Variants in PCDH9 observed in about 807,000 individuals in gnomAD.
PCDH9 encodes the protein protocadherin-9.
Under a neutral mutation model 70.6 loss-of-function variants are expected in PCDH9, and 24 were observed. The observed-to-expected ratio is 0.34, with a 90% CI of 0.25 to 0.48. The LOEUF (loss-of-function observed/expected upper bound fraction) is 0.48, where lower values mean the gene tolerates loss of function less well. Ranked by LOEUF, PCDH9 falls within the 20% of genes least tolerant of loss-of-function variation. The probability of loss-of-function intolerance (pLI) is 0.99; values close to 1 mark genes in which losing one functional copy is unlikely to be tolerated. For synonymous variants in PCDH9, 562 were observed against 558.5 expected (o/e 1.01, Z -0.09); for missense variants, 1,281 against 1,503.6 (o/e 0.85, Z 2.45).
chr13:66,769,923 G>A (rs895389599), intron 3 of PCDH9, among the ~76,000 whole-genome samples: 2 of 151,968 alleles, frequency 1.3e-5, no homozygotes, highest in African/African-American at 4.8e-5. Flanking sequence ...AAGGCAGGAG[G>A]GGATAATTTC....
At chr13:66,608,720 C>A (rs2077253187) in intron 4 of PCDH9, among the ~76,000 whole-genome samples, 1 of 151,666 alleles carries the variant, frequency 6.6e-6, no homozygotes, top group South Asian at 2.1e-4. Context: ...CCTAGGAGCT[C>A]TTTAGGCAAA....
chr13:66,468,779 G>A (rs1007677460), intron 4 of PCDH9, among the ~76,000 whole-genome samples: 3 of 152,068 alleles, frequency 2.0e-5, no homozygotes, highest in African/African-American at 7.2e-5. Flanking sequence ...CTTTGGTAAT[G>A]AGTTGAACAA....
chr13:67,177,880 G>A (rs1012755313), intron 2 of PCDH9, among the ~76,000 whole-genome samples: 5 of 152,028 alleles, frequency 3.3e-5, no homozygotes, highest in African/African-American at 1.2e-4. Flanking sequence ...TTTGAAGGCT[G>A]ATGACTACAC....
intron 4 of PCDH9, among the ~76,000 whole-genome samples, chr13:66,367,898 G>A (rs1956580182): frequency 6.6e-6 from 1 of 152,128 alleles, no homozygotes; most frequent in South Asian, 2.1e-4. Context: ...CCTTCCATAT[G>A]TAACACATAA....
chr13:66,827,113 A>G (rs1014233567), intron 3 of PCDH9, among the ~76,000 whole-genome samples: 2 of 152,114 alleles, frequency 1.3e-5, no homozygotes, highest in African/African-American at 2.4e-5. Flanking sequence ...ACATGAAGCA[A>G]GAGGTTGGAG....
chr13:66,975,562 C>G (rs773138626), intron 2 of PCDH9, among the ~76,000 whole-genome samples: 61 of 151,900 alleles, frequency 4.0e-4, no homozygotes, highest in Non-Finnish European at 8.2e-4. Flanking sequence ...CTGAGAAATT[C>G]AAAACATGGA....
intron 3 of PCDH9, among the ~76,000 whole-genome samples, chr13:66,692,168 A>G (rs1211491571): frequency 2.0e-5 from 3 of 152,138 alleles, no homozygotes; most frequent in African/African-American, 7.2e-5. Context: ...ATTTACCTCC[A>G]TGTTATGAAT....
chr13:67,073,491 C>T (rs972720040), intron 2 of PCDH9, among the ~76,000 whole-genome samples: 8 of 151,402 alleles, frequency 5.3e-5, no homozygotes, highest in Admixed American at 1.3e-4. Context: ...AAAAATAGAA[C>T]TTTTTGGCAA....
At chr13:66,957,911 G>A (rs1043603968) in intron 2 of PCDH9, among the ~76,000 whole-genome samples, 2 of 152,140 alleles carry the variant, frequency 1.3e-5, no homozygotes, top group African/African-American at 2.4e-5. Context: ...AATACAAAGG[G>A]AGTTATTAGT....
chr13:66,982,928 C>G (rs1471021218), intron 2 of PCDH9, among the ~76,000 whole-genome samples: 3 of 151,966 alleles, frequency 2.0e-5, no homozygotes, highest in Admixed American at 6.6e-5. Flanking sequence ...TTTCATTAGG[C>G]CTTTAAATTT....
chr13:66,686,226 A>G (rs1307474056), intron 3 of PCDH9, among the ~76,000 whole-genome samples: 3 of 152,170 alleles, frequency 2.0e-5, no homozygotes. Context: ...GGTTACATCC[A>G]TGCTGTTCTT....
chr13:67,079,025 T>C (rs936480427), intron 2 of PCDH9, among the ~76,000 whole-genome samples: 2 of 152,026 alleles, frequency 1.3e-5, no homozygotes, highest in Admixed American at 1.3e-4. Flanking sequence ...AGTTCACATG[T>C]AAGGCCAGAC....
intron 4 of PCDH9, among the ~76,000 whole-genome samples, chr13:66,535,764 A>G (rs564623810): frequency 2.1e-4 from 32 of 152,162 alleles, no homozygotes; most frequent in African/African-American, 7.7e-4. Flanking sequence ...TAATTAAAAT[A>G]TTACTCAGGA....
intron 3 of PCDH9, among the ~76,000 whole-genome samples, chr13:66,863,586 C>A (rs777490007): frequency 6.6e-6 from 1 of 151,990 alleles, no homozygotes; most frequent in Non-Finnish European, 1.5e-5. Flanking sequence ...CCCGGGTTCA[C>A]GCCATTCTCT....
At chr13:66,758,388 ACT>A (rs1275001652) in intron 3 of PCDH9, among the ~76,000 whole-genome samples, 1 of 151,824 alleles carries the variant, frequency 6.6e-6, no homozygotes, top group African/African-American at 2.4e-5. Flanking sequence ...TCACCATTTT[ACT>A]CTCTTTTTCT....
chr13:67,195,150 CTTT>C (rs11427310), intron 2 of PCDH9, among the ~76,000 whole-genome samples: 1 of 144,880 alleles, frequency 6.9e-6, no homozygotes, highest in African/African-American at 2.5e-5. Flanking sequence ...TTCATACTTT[CTTT>C]TTTTTTTTTT....
intron 4 of PCDH9, among the ~76,000 whole-genome samples, chr13:66,332,246 G>A (rs902704484): frequency 2.0e-4 from 31 of 152,086 alleles, no homozygotes; most frequent in African/African-American, 6.8e-4. Context: ...CCCATTCAAA[G>A]GAGATGGAGA....
intron 2 of PCDH9, among the ~76,000 whole-genome samples, chr13:67,066,239 CT>C (rs936272725): frequency 1.8e-3 from 259 of 143,596 alleles, no homozygotes; most frequent in Middle Eastern, 7.1e-3. Flanking sequence ...TTTGGGTCAG[CT>C]TTTTTTTTTT....
intron 4 of PCDH9, among the ~76,000 whole-genome samples, chr13:66,456,556 A>G (rs1291688191): frequency 2.6e-5 from 4 of 152,162 alleles, no homozygotes; most frequent in African/African-American, 4.8e-5. Context: ...TACCACGCTC[A>G]GCCTTCAAAT....
Sources: allele counts gnomAD v4.1 joint callset (sites outside exome capture counted in the v4.1 genomes callset), GRCh38; gene constraint gnomAD v4.1.1; transcripts MANE v1.5; gene names NCBI Gene and HGNC (gene_info 2026-07-23, HGNC 2026-07-21).